Variants in TERT observed in about 807,000 individuals in gnomAD.
The protein encoded by TERT is telomerase catalytic subunit.
Under a neutral mutation model 104.0 loss-of-function variants are expected in TERT, and 42 were observed. That is an observed-to-expected ratio of 0.40 (90% CI 0.32 to 0.52). The LOEUF (loss-of-function observed/expected upper bound fraction) is 0.52. Among genes scored for constraint, TERT ranks in the 20% least tolerant of loss-of-function variants. The pLI is 0.43. For synonymous variants in TERT, 781 were observed against 725.6 expected (o/e 1.08, Z -1.23); for missense variants, 1,101 against 1,610.3 (o/e 0.68, Z 5.41).
At chr5:1,266,943 C>T (rs1316581675) in intron 9 of TERT, among the ~76,000 whole-genome samples, 1 of 152,190 alleles carries the variant, frequency 6.6e-6, no homozygotes, top group Non-Finnish European at 1.5e-5. Flanking sequence ...ATCCGAGACC[C>T]AGATCCTATC....
Position 1,253,311 on chromosome 5 carries a change from GCT to G in TERT, c.*415_*416del. The G allele has an allele frequency of 2.6e-6, 1 of 384,232 alleles. No individual in the cohort carries two copies. Among genetic ancestry groups the G allele is most frequent in the Non-Finnish European group, 4.8e-6 (1 of 206,426 alleles). The allele number at this position is 384,232 out of a possible 1,614,324, so 23.8% of individuals were successfully genotyped here. The stretch of plus-strand genomic sequence containing the variant: ...CCTTTGGTCACTCCAAATTCCCAGA[GCT>G]CCCAGGGTCCTTCTCAGGGTCTCCA... On this transcript the variant is annotated 3_prime_UTR_variant, in exon 16 of 16. Transcript: ENST00000310581.
chr5:1,267,791 A>G (rs1003168089), intron 9 of TERT, among the ~76,000 whole-genome samples: 1 of 152,114 alleles, frequency 6.6e-6, no homozygotes, highest in Non-Finnish European at 1.5e-5. Flanking sequence ...CAATGAGAAC[A>G]CTTGGACACA....
intron 13 of TERT, 138 bp downstream of exon 13, chr5:1,258,460 G>A: frequency 1.3e-6 from 1 of 786,948 alleles, no homozygotes; most frequent in Non-Finnish European, 2.2e-6. Flanking sequence ...ACTGTGCACA[G>A]GCAGCAGCAC....
chr5:1,286,144 C>G lies in TERT; in HGVS notation c.1574-3520G>C, dbSNP rs1032382940. On this transcript the variant is annotated intron_variant, in intron 2 of 15. Transcript: ENST00000310581. The surrounding 1 kb of genome is among the most constrained non-coding windows in gnomAD (Gnocchi z 5.3). ...CTCACTGGCTAAGGAACGCTGGCCA[C>G]GTGGTGCTCCAGACACTCACGGGCC... is the stretch of plus-strand genomic sequence containing the variant. Among the ~76,000 whole-genome samples, 2 of 152,148 alleles carry G rather than the reference C, an allele frequency of 1.3e-5. No homozygotes were observed. The highest frequency in any genetic ancestry group is 2.9e-5 in the Non-Finnish European group (2 of 68,032).
In TERT at chr5:1,258,581, C is replaced by T; in HGVS notation, c.3032+17G>A. ...GGTCCCTGGAGGCTGGGCCTGCACC[C>T]CTTGGTGGCGGCTCACCTGTACGCC... On this transcript the variant is annotated intron_variant, in intron 13 of 15. Transcript: ENST00000310581. 1.3e-6 allele frequency: 2 copies of T among 1,560,810 alleles called. No homozygotes were observed. Among genetic ancestry groups the T allele is most frequent in the African/African-American group, 1.4e-5 (1 of 73,840 alleles).
At chr5:1,279,215 A>G (rs1188428267) in intron 5 of TERT, 76 bp downstream of exon 5, 8 of 1,494,390 alleles carry the variant, frequency 5.4e-6, no homozygotes, top group Non-Finnish European at 1.8e-6. Context: ...TACCTCCTCC[A>G]CCCAACATGA....
rs1473879646 is a variant in TERT, at chr5:1,274,470, G to A, written c.2287-2190C>T. ...GGTACCAGGGACTGGTTTCGTGGAA[G>A]ACGATTTTTCCACAGGACAGCAGTG... is the stretch of plus-strand genomic sequence containing the variant. On this transcript the variant is annotated intron_variant, in intron 6 of 15. Transcript: ENST00000310581. This position sits in a 1 kb window ranked among gnomAD's most constrained non-coding sequence, Gnocchi z 5.3. Among the ~76,000 whole-genome samples, 1 of 152,262 alleles carries A rather than the reference G, an allele frequency of 6.6e-6. No individual in the cohort carries two copies. Among genetic ancestry groups the A allele is most frequent in the Non-Finnish European group, 1.5e-5 (1 of 68,052 alleles).
rs553111847 is a variant in TERT at position 1,284,911 on chromosome 5, C to A, written c.1574-2287G>T. Reference sequence around the variant, plus strand: ...ACTCCAGACCTGCACCATCCAGACACCGCACACCCAGCTCACCGCAGGGCC... The same window carrying A: ...ACTCCAGACCTGCACCATCCAGACAACGCACACCCAGCTCACCGCAGGGCC... On this transcript the variant is annotated intron_variant, in intron 2 of 15. Transcript: ENST00000310581. 1.3e-4 allele frequency among the ~76,000 whole-genome samples: 20 copies of A among 149,960 alleles called. 1 individual carries two copies. The South Asian group carries it at 4.2e-3, about 32-fold the overall frequency.
At position 1,269,096 on chromosome 5, in the gene TERT, T is replaced by G. The variant is rs1748838385; in HGVS notation, c.2469-463A>C. ...AGCATGACCAACGAGAAGCAGAAAC[T>G]CTCCAAACAAGGATGCCAAGGGTGC... On this transcript the variant is annotated intron_variant, in intron 8 of 15. Coordinates refer to ENST00000310581, the MANE Select transcript of TERT (RefSeq NM_198253.3). The surrounding 1 kb of genome is among the most constrained non-coding windows in gnomAD (Gnocchi z 9.0). Among the ~76,000 whole-genome samples the G allele has an allele frequency of 6.7e-6, 1 of 150,302 alleles. No individual in the cohort carries two copies. The highest frequency in any genetic ancestry group is 1.5e-5 in the Non-Finnish European group (1 of 67,776).
At chr5:1,280,886 G>T (rs1420499079) in intron 3 of TERT, among the ~76,000 whole-genome samples, 1 of 152,266 alleles carries the variant, frequency 6.6e-6, no homozygotes, top group Non-Finnish European at 1.5e-5. Flanking sequence ...CACCCATGGG[G>T]GCACGGGGGC....
chr5:1,264,743 C>G (rs1222463859), intron 10 of TERT, 151 bp from the exon 11 acceptor site: 12 of 881,840 alleles, frequency 1.4e-5, no homozygotes, highest in Non-Finnish European at 1.9e-5. Context: ...GAGCCTGGAC[C>G]CAGCCCTGCT....
intron 6 of TERT, 110 bp from the exon 7 acceptor site, chr5:1,272,390 G>T: frequency 3.0e-6 from 3 of 1,010,938 alleles, no homozygotes; most frequent in South Asian, 2.7e-5. Context: ...GCCCGATGGC[G>T]GGATGAAGCC....
chr5:1,254,532 C>T (rs762225551), intron 14 of TERT, 27 bp from the exon 15 acceptor site: 1 of 1,600,652 alleles, frequency 6.2e-7, no homozygotes. Flanking sequence ...GCTGAGGAGT[C>T]ACAGGCCCAG....
chr5:1,264,690 T>A, intron 10 of TERT, 98 bp from the exon 11 acceptor site: 1 of 1,437,756 alleles, frequency 7.0e-7, no homozygotes, highest in Non-Finnish European at 9.7e-7. Flanking sequence ...CCCAGAGAAG[T>A]GGTGATTTGG....
intron 2 of TERT, among the ~76,000 whole-genome samples, chr5:1,285,396 C>T (rs1425399151): frequency 1.3e-5 from 2 of 152,190 alleles, no homozygotes; most frequent in African/African-American, 4.8e-5. Context: ...ACGGGACCTA[C>T]ACACGGGATC....
intron 2 of TERT, among the ~76,000 whole-genome samples, chr5:1,290,335 C>G (rs1579591535): frequency 3.0e-5 from 2 of 65,598 alleles, no homozygotes; most frequent in Admixed American, 3.2e-4. Flanking sequence ...GACAGGGACA[C>G]CCGGGGACGG....
chr5:1,285,588 T>TTTTTTA (rs59635370), intron 2 of TERT, among the ~76,000 whole-genome samples: 1 of 120,890 alleles, frequency 8.3e-6, no homozygotes, highest in African/African-American at 3.6e-5. Context: ...TTTTTTTTTT[T>TTTTTTA]GAGACAGAGT....
intron 9 of TERT, among the ~76,000 whole-genome samples, chr5:1,267,077 T>A (rs1425963905): frequency 1.3e-5 from 2 of 152,238 alleles, no homozygotes; most frequent in Non-Finnish European, 2.9e-5. Context: ...GAGGACACTT[T>A]CCTCCAAATC....
intron 6 of TERT, among the ~76,000 whole-genome samples, chr5:1,277,458 A>G (rs888097509): frequency 6.6e-6 from 1 of 152,162 alleles, no homozygotes; most frequent in Non-Finnish European, 1.5e-5. Context: ...CGCACAGCTG[A>G]GGCGTTCAGC....
Sources: allele counts gnomAD v4.1 joint callset (sites outside exome capture counted in the v4.1 genomes callset), GRCh38; gene constraint gnomAD v4.1.1; non-coding constraint Gnocchi (gnomAD v3.1); transcripts MANE v1.5; gene names NCBI Gene and HGNC (gene_info 2026-07-23, HGNC 2026-07-21).